The following MED13L variants were observed in gnomAD, a reference collection of about 807,000 sequenced individuals.
MED13L encodes mediator complex subunit 13L, also known as mediator of RNA polymerase II transcription subunit 13-like.
Under a neutral mutation model 220.9 loss-of-function variants are expected in MED13L, and 7 were observed. That is an observed-to-expected ratio of 0.03 (90% CI 0.02 to 0.06). The LOEUF is 0.06. Ranked by LOEUF, MED13L falls within the 10% of genes least tolerant of loss-of-function variation. The pLI is 1.00. For synonymous variants in MED13L, 1,011 were observed against 1,015.2 expected (o/e 1.00, Z 0.08); for missense variants, 1,965 against 2,760.5 (o/e 0.71, Z 6.46).
At chr12:116,134,709 C>T (rs1385921350) in intron 2 of MED13L, among the ~76,000 whole-genome samples, 1 of 152,100 alleles carries the variant, frequency 6.6e-6, no homozygotes, top group African/African-American at 2.4e-5. Context: ...TAAAAGACAA[C>T]ATGTCTTTTA....
chr12:116,190,138 G>A (rs1881171826), intron 2 of MED13L, among the ~76,000 whole-genome samples: 1 of 152,068 alleles, frequency 6.6e-6, no homozygotes, highest in Non-Finnish European at 1.5e-5. Flanking sequence ...CCTGATCTTA[G>A]GAAGAAAATT....
At chr12:116,197,127 C>T (rs1881682948) in intron 2 of MED13L, among the ~76,000 whole-genome samples, 1 of 152,148 alleles carries the variant, frequency 6.6e-6, no homozygotes, top group African/African-American at 2.4e-5. Context: ...TCTAAGCCTC[C>T]ACCCACATAA....
intron 2 of MED13L, among the ~76,000 whole-genome samples, chr12:116,140,633 A>C (rs1351553254): frequency 6.6e-6 from 1 of 152,238 alleles, no homozygotes; most frequent in East Asian, 1.9e-4. Flanking sequence ...GTCTAACTAC[A>C]AAAAGGACCC....
intron 4 of MED13L, among the ~76,000 whole-genome samples, chr12:116,023,839 C>A (rs1880213311): frequency 6.6e-6 from 1 of 152,004 alleles, no homozygotes; most frequent in Admixed American, 6.6e-5. Context: ...CTTCTAAGTT[C>A]ACAAAAGCAA....
In MED13L at chr12:116,236,758, A is replaced by T. The variant is rs947520562; in HGVS notation, c.310+710T>A. 4.2e-5 allele frequency: 34 copies of T among 814,150 alleles called. No individual in the cohort carries two copies. The Admixed American group carries it at 8.7e-4, about 21-fold the overall frequency. 50.4% of individuals were successfully genotyped at this position (814,150 alleles called of 1,614,324 possible). A position where few individuals can be genotyped will look rare whatever the true frequency, so the allele number is the denominator to read the frequency against. On this transcript the variant is annotated intron_variant, in intron 2 of 30. Transcript: ENST00000281928. ...ACCAGAAATTCAAAGACAACTGATA[A>T]AAGTTCCTGCTCATAAAACTGTGGT...
At chr12:115,990,570 T>G in intron 17 of MED13L, among the ~76,000 whole-genome samples, 1 of 152,232 alleles carries the variant, frequency 6.6e-6, no homozygotes, top group East Asian at 1.9e-4. Context: ...AATGTGATTT[T>G]GTTATAAGTG....
At chr12:116,222,506 T>C (rs1868535858) in intron 2 of MED13L, among the ~76,000 whole-genome samples, 1 of 152,152 alleles carries the variant, frequency 6.6e-6, no homozygotes, top group Non-Finnish European at 1.5e-5. Context: ...CTGAGCTATG[T>C]TCACAAACAG....
At chr12:116,111,022 T>C (rs752004087) in intron 3 of MED13L, among the ~76,000 whole-genome samples, 1 of 152,198 alleles carries the variant, frequency 6.6e-6, no homozygotes, top group Admixed American at 6.5e-5. Context: ...ACATCTGAAT[T>C]GAACTACGGG....
chr12:116,113,915 C>T (rs1874311594), intron 2 of MED13L, among the ~76,000 whole-genome samples: 1 of 151,688 alleles, frequency 6.6e-6, no homozygotes, highest in African/African-American at 2.4e-5. Flanking sequence ...AATAGAATAA[C>T]AAGTCCCAAT....
At chr12:116,084,585 A>G (rs1457871449) in intron 4 of MED13L, among the ~76,000 whole-genome samples, 1 of 152,178 alleles carries the variant, frequency 6.6e-6, no homozygotes, top group Non-Finnish European at 1.5e-5. Context: ...AAGTTATTTG[A>G]AAGAGGTGAA....
At chr12:116,051,153 G>A (rs1868479760) in intron 4 of MED13L, among the ~76,000 whole-genome samples, 1 of 151,790 alleles carries the variant, frequency 6.6e-6, no homozygotes, top group African/African-American at 2.4e-5. Context: ...AATTTCCACA[G>A]CATTAAAATG....
At chr12:116,259,966 C>A (rs867124544) in intron 1 of MED13L, among the ~76,000 whole-genome samples, 1 of 152,182 alleles carries the variant, frequency 6.6e-6, no homozygotes. Context: ...ATTCTATTTA[C>A]ACTGTGATTA....
intron 7 of MED13L, among the ~76,000 whole-genome samples, 187 bp downstream of exon 7, chr12:116,019,035 TAA>T (rs1879898612): frequency 6.6e-6 from 1 of 152,242 alleles, no homozygotes; most frequent in South Asian, 2.1e-4. Flanking sequence ...TGGACAGAGT[TAA>T]AATTCTGAAG....
chr12:116,030,879 C>T (rs576164453), intron 4 of MED13L, among the ~76,000 whole-genome samples: 1 of 152,246 alleles, frequency 6.6e-6, no homozygotes, highest in South Asian at 2.1e-4. Flanking sequence ...CACTTCAATA[C>T]CATCTTAGGT....
At chr12:116,120,271 C>T (rs933373954) in intron 2 of MED13L, among the ~76,000 whole-genome samples, 35 of 152,090 alleles carry the variant, frequency 2.3e-4, no homozygotes, top group Middle Eastern at 3.4e-3. Flanking sequence ...CTTCTTTAAC[C>T]ATTCTTTTAT....
chr12:115,980,161 A>T (rs1877224638), intron 23 of MED13L, among the ~76,000 whole-genome samples: 1 of 152,216 alleles, frequency 6.6e-6, no homozygotes, highest in Admixed American at 6.5e-5. Context: ...TAAAGAAAAT[A>T]AATTTAGGAA....
At chr12:116,034,161 T>A (rs1018702873) in intron 4 of MED13L, among the ~76,000 whole-genome samples, 1 of 152,134 alleles carries the variant, frequency 6.6e-6, no homozygotes, top group Non-Finnish European at 1.5e-5. Context: ...TATACCTCAA[T>A]CACAGCACTT....
chr12:115,985,293 G>C (rs937578181), intron 19 of MED13L, among the ~76,000 whole-genome samples: 1 of 152,158 alleles, frequency 6.6e-6, no homozygotes, highest in Non-Finnish European at 1.5e-5. Context: ...TATATGCCCT[G>C]ACCAGACACT....
intron 1 of MED13L, among the ~76,000 whole-genome samples, chr12:116,257,934 C>G (rs887011958): frequency 1.3e-5 from 2 of 152,012 alleles, no homozygotes; most frequent in Admixed American, 1.3e-4. Flanking sequence ...AAATTGTAGG[C>G]TGTATATTAC....
Sources: allele counts gnomAD v4.1 joint callset (sites outside exome capture counted in the v4.1 genomes callset), GRCh38; gene constraint gnomAD v4.1.1; transcripts MANE v1.5; gene names NCBI Gene and HGNC (gene_info 2026-07-23, HGNC 2026-07-21).